The following ADGRL3 variants were observed in gnomAD, a reference collection of about 807,000 sequenced individuals.
The protein encoded by ADGRL3 is adhesion G protein-coupled receptor L3.
Under a neutral mutation model 153.5 loss-of-function variants are expected in ADGRL3, and 62 were observed. That is an observed-to-expected ratio of 0.40 (90% CI 0.33 to 0.50). The LOEUF (loss-of-function observed/expected upper bound fraction) is 0.50. ADGRL3 is among the 20% of genes least tolerant of loss of function. The probability of loss-of-function intolerance (pLI) is 0.47; values close to 1 mark genes in which losing one functional copy is unlikely to be tolerated. For synonymous variants in ADGRL3, 710 were observed against 672.5 expected, an observed-to-expected ratio of 1.06 and a Z score of -0.86; for missense variants, 1,641 against 1,859.4, an observed-to-expected ratio of 0.88 and a Z score of 2.16.
intron 1 of ADGRL3, among the ~76,000 whole-genome samples, chr4:61,287,061 G>C (rs1394193418): frequency 2.0e-5 from 3 of 151,354 alleles, no homozygotes; most frequent in Non-Finnish European, 4.4e-5. Flanking sequence ...AATAAATAAG[G>C]GATTTTTTCA....
intron 8 of ADGRL3, among the ~76,000 whole-genome samples, chr4:61,754,427 G>A (rs1018968215): frequency 7.9e-5 from 12 of 151,632 alleles, no homozygotes; most frequent in African/African-American, 2.9e-4. Context: ...AAGAGAAGAA[G>A]TTTTCTTTAA....
intron 13 of ADGRL3, among the ~76,000 whole-genome samples, chr4:61,928,055 TATAAA>T (rs1199512203): frequency 2.0e-5 from 3 of 150,856 alleles, no homozygotes; most frequent in African/African-American, 7.3e-5. Context: ...AAAATAATAA[TATAAA>T]ATAGCATTAT....
chr4:61,391,706 T>C (rs1305424500), intron 2 of ADGRL3, among the ~76,000 whole-genome samples: 1 of 152,090 alleles, frequency 6.6e-6, no homozygotes, highest in Admixed American at 6.5e-5. Flanking sequence ...TATGGTGCCA[T>C]TTTTATTAAA....
intron 2 of ADGRL3, among the ~76,000 whole-genome samples, chr4:61,401,114 A>G (rs573360860): frequency 1.3e-5 from 2 of 151,600 alleles, no homozygotes; most frequent in South Asian, 2.1e-4. Flanking sequence ...GGATAGAATT[A>G]TAGTCCTGGA....
chr4:61,534,151 T>A (rs1168020400), intron 4 of ADGRL3, among the ~76,000 whole-genome samples: 1 of 152,134 alleles, frequency 6.6e-6, no homozygotes, highest in Non-Finnish European at 1.5e-5. Flanking sequence ...CCCAGTTTCA[T>A]TTTTCTGCAT....
rs986755823 is a variant in ADGRL3, at chr4:61,408,489, G to A, written c.-174+25300G>A. ...CGACTATACAGAGATTACTTTGATCGTTCCCTGCTTATGAGAATAGATTTC... is the reference window on the plus strand; with the variant it reads ...CGACTATACAGAGATTACTTTGATCATTCCCTGCTTATGAGAATAGATTTC... On this transcript the variant is annotated intron_variant, in intron 2 of 26. Transcript: ENST00000683033. 5.3e-5 allele frequency among the ~76,000 whole-genome samples: 8 copies of A among 150,250 alleles called. No individual in the cohort carries two copies. In the East Asian group the frequency reaches 5.9e-4, roughly 11 times the overall value.
chr4:61,795,492 C>T (rs919803956), intron 8 of ADGRL3, among the ~76,000 whole-genome samples: 2 of 152,148 alleles, frequency 1.3e-5, no homozygotes, highest in African/African-American at 4.8e-5. Context: ...TTTATTCTTT[C>T]CAGTTCATAT....
At chr4:61,282,876 A>G (rs2093781371) in intron 1 of ADGRL3, among the ~76,000 whole-genome samples, 1 of 152,132 alleles carries the variant, frequency 6.6e-6, no homozygotes, top group African/African-American at 2.4e-5. Flanking sequence ...ACCTATTCAT[A>G]GAGCATAACA....
intron 1 of ADGRL3, among the ~76,000 whole-genome samples, chr4:61,203,040 G>C (rs1319625185): frequency 6.6e-6 from 1 of 152,182 alleles, no homozygotes; most frequent in Non-Finnish European, 1.5e-5. Flanking sequence ...GGCGCAGCTC[G>C]GCGACATGCG....
intron 8 of ADGRL3, among the ~76,000 whole-genome samples, chr4:61,744,641 T>G (rs181161490): frequency 1.9e-3 from 286 of 152,328 alleles, no homozygotes; most frequent in Admixed American, 3.1e-3. Context: ...CCAACAGACC[T>G]GCAGCTGAGG....
intron 8 of ADGRL3, among the ~76,000 whole-genome samples, chr4:61,744,325 T>A (rs901109109): frequency 9.2e-5 from 14 of 152,154 alleles, no homozygotes; most frequent in Admixed American, 3.3e-4. Flanking sequence ...CTCTGCATAC[T>A]TAAGTGTCCC....
intron 6 of ADGRL3, among the ~76,000 whole-genome samples, chr4:61,720,438 T>A (rs1239901463): frequency 1.3e-5 from 2 of 152,236 alleles, no homozygotes; most frequent in African/African-American, 4.8e-5. Context: ...ATATTAACTT[T>A]CAAATGTTTT....
intron 6 of ADGRL3, among the ~76,000 whole-genome samples, chr4:61,705,761 C>T (rs1331537048): frequency 6.6e-6 from 1 of 152,050 alleles, no homozygotes; most frequent in Non-Finnish European, 1.5e-5. Flanking sequence ...CCTTGGCCAC[C>T]CAAGGGGGCT....
intron 2 of ADGRL3, among the ~76,000 whole-genome samples, chr4:61,408,994 G>T (rs2097044505): frequency 1.3e-5 from 2 of 151,170 alleles, no homozygotes; most frequent in South Asian, 4.2e-4. Context: ...TTGTATTCCT[G>T]ACCCTTAATG....
intron 9 of ADGRL3, among the ~76,000 whole-genome samples, chr4:61,832,240 C>T (rs1269936234): frequency 2.0e-5 from 3 of 152,114 alleles, no homozygotes; most frequent in South Asian, 2.1e-4. Flanking sequence ...GCCTGGCAGG[C>T]AAACATTAAT....
intron 2 of ADGRL3, among the ~76,000 whole-genome samples, chr4:61,453,625 T>G (rs565800392): frequency 6.6e-6 from 1 of 152,262 alleles, no homozygotes; most frequent in Non-Finnish European, 1.5e-5. Flanking sequence ...CCTCTAAGTT[T>G]ATCACAGGAG....
intron 5 of ADGRL3, among the ~76,000 whole-genome samples, chr4:61,670,327 G>A (rs2094947929): frequency 6.6e-6 from 1 of 151,962 alleles, no homozygotes; most frequent in Non-Finnish European, 1.5e-5. Context: ...ATGATACCAT[G>A]TTAGATCTAT....
At chr4:61,286,679 A>G (rs1434015568) in intron 1 of ADGRL3, among the ~76,000 whole-genome samples, 1 of 151,634 alleles carries the variant, frequency 6.6e-6, no homozygotes, top group Non-Finnish European at 1.5e-5. Flanking sequence ...ATATATCGAG[A>G]TAAACCTAGT....
intron 15 of ADGRL3, among the ~76,000 whole-genome samples, chr4:61,945,825 G>A (rs570473000): frequency 6.0e-4 from 91 of 151,962 alleles, no homozygotes; most frequent in African/African-American, 2.0e-3. Context: ...ACTGGCCTGC[G>A]CCCACTGTCT....
Sources: allele counts gnomAD v4.1 joint callset (sites outside exome capture counted in the v4.1 genomes callset), GRCh38; gene constraint gnomAD v4.1.1; transcripts MANE v1.5; gene names NCBI Gene and HGNC (gene_info 2026-07-23, HGNC 2026-07-21).